The following TYW5 variants were observed in gnomAD, a reference collection of about 807,000 sequenced individuals.
TYW5 encodes tRNA-yW synthesizing protein 5.
TYW5 carries 36 observed loss-of-function variants against 44.4 expected under a neutral mutation model. That is an observed-to-expected ratio of 0.81 (90% CI 0.62 to 1.07). The LOEUF (loss-of-function observed/expected upper bound fraction) is 1.07, where lower values mean the gene tolerates loss of function less well. Among genes scored for constraint, TYW5 ranks in the 50% least tolerant of loss-of-function variants. TYW5 has a pLI of 0.00. For missense variants in TYW5, 354 were observed against 365.7 expected, an observed-to-expected ratio of 0.97 and a Z score of 0.26; for synonymous variants, 121 against 128.1, an observed-to-expected ratio of 0.94 and a Z score of 0.37.
At chr2:199,935,665 G>A (rs1272233100) in intron 7 of TYW5, among the ~76,000 whole-genome samples, 1 of 147,008 alleles carries the variant, frequency 6.8e-6, no homozygotes, top group African/African-American at 2.5e-5. Context: ...TTAACTTATA[G>A]GCCAAAACTA....
At chr2:199,939,439 G>A (rs978788899) in intron 4 of TYW5, among the ~76,000 whole-genome samples, 2 of 152,176 alleles carry the variant, frequency 1.3e-5, no homozygotes, top group African/African-American at 4.8e-5. Flanking sequence ...ATACCAGGCT[G>A]TGTAACAAGA....
intron 2 of TYW5, chr2:199,944,523 C>T (rs2077489570): frequency 6.6e-6 from 1 of 152,260 alleles, no homozygotes; most frequent in Admixed American, 6.5e-5. Flanking sequence ...TTACATCACA[C>T]TCTTGAGCTA....
rs1391593527 is a variant in TYW5, at chr2:199,931,775, C to A, written c.*1292G>T. On this transcript the variant is annotated 3_prime_UTR_variant, in exon 8 of 8. Coordinates refer to ENST00000354611, the MANE Select transcript of TYW5 (RefSeq NM_001039693.3). Reference sequence around the variant, plus strand: ...AATTAAAATGCACCAAATTGATGTACTAAGAGATTGCTTTAGATGAACACA... The same window carrying A: ...AATTAAAATGCACCAAATTGATGTAATAAGAGATTGCTTTAGATGAACACA... The A allele has an allele frequency of 6.6e-6, 1 of 152,064 alleles. No individual in the cohort carries two copies. The highest frequency in any genetic ancestry group is 6.5e-5 in the Admixed American group (1 of 15,276). The allele number at this position is 152,064 out of a possible 1,614,324, so 9.4% of individuals were successfully genotyped here.
At chr2:199,952,031 A>G (rs1224744150) in intron 1 of TYW5, among the ~76,000 whole-genome samples, 1 of 152,018 alleles carries the variant, frequency 6.6e-6, no homozygotes, top group African/African-American at 2.4e-5. Context: ...AAAAAAAAAA[A>G]TCATAAATAT....
rs1269754707 is a variant in TYW5, at chr2:199,939,999, A to T, written c.348+90T>A. 31 of 1,190,796 alleles carry T rather than the reference A, an allele frequency of 2.6e-5. No individual in the cohort carries two copies. The South Asian group carries it at 3.9e-4, about 15-fold the overall frequency. 73.8% of individuals were successfully genotyped at this position (1,190,796 alleles called of 1,614,324 possible). A position where few individuals can be genotyped will look rare whatever the true frequency, so the allele number is the denominator to read the frequency against. On this transcript the variant is annotated intron_variant, in intron 4 of 7. Coordinates refer to ENST00000354611, the MANE Select transcript of TYW5 (RefSeq NM_001039693.3). ...AAAAGGATAGAACAGGGAATATGTC[A>T]GGCAGTAAGTATAAAATTACAGTGT... is the stretch of plus-strand genomic sequence containing the variant.
At chr2:199,955,319 T>C (rs2077588014) in intron 1 of TYW5, 74 bp downstream of exon 1, 2 of 1,538,116 alleles carry the variant, frequency 1.3e-6, no homozygotes, top group African/African-American at 1.4e-5. Context: ...TAAAAACCAG[T>C]TCCCAGCTGT....
intron 2 of TYW5, chr2:199,944,868 T>C (rs1044531849): frequency 1.3e-5 from 2 of 152,236 alleles, no homozygotes; most frequent in Admixed American, 1.3e-4. Flanking sequence ...CCCAGAAATA[T>C]ACTGGGTAAA....
Position 199,948,252 on chromosome 2 carries a change from C to A in TYW5, c.233+66G>T, listed in dbSNP as rs754274333. The stretch of plus-strand genomic sequence containing the variant: ...GCCATATGGTCTTTGTATAATAATG[C>A]AAAAATATTTTAAAAGTTTTTAAAA... On this transcript the variant is annotated intron_variant, in intron 2 of 7. Coordinates refer to ENST00000354611, the MANE Select transcript of TYW5 (RefSeq NM_001039693.3). The A allele has an allele frequency of 1.4e-5, 22 of 1,558,472 alleles. No individual in the cohort carries two copies. In the South Asian group the frequency reaches 2.4e-4, roughly 17 times the overall value.
At chr2:199,941,240 T>C (rs888780073) in intron 3 of TYW5, among the ~76,000 whole-genome samples, 1 of 152,130 alleles carries the variant, frequency 6.6e-6, no homozygotes, top group Non-Finnish European at 1.5e-5. Context: ...GGAGACTCGC[T>C]ATGTTGTCCA....
intron 5 of TYW5, among the ~76,000 whole-genome samples, chr2:199,936,858 G>T (rs2077424921): frequency 6.6e-6 from 1 of 152,122 alleles, no homozygotes; most frequent in African/African-American, 2.4e-5. Flanking sequence ...CAGAGTAAAA[G>T]CACTTAGAAA....
In TYW5 at chr2:199,933,005, T is replaced by C; in HGVS notation, c.*62A>G. 4.5e-6 allele frequency: 7 copies of C among 1,544,432 alleles called. No homozygotes were observed. The highest frequency in any genetic ancestry group is 6.1e-6 in the Non-Finnish European group (7 of 1,146,310). ...ATGTATCTTTCCTATTTTAACAAAATCTTTAATTTATATCGTTATACCTTA... is the reference window on the plus strand; with the variant it reads ...ATGTATCTTTCCTATTTTAACAAAACCTTTAATTTATATCGTTATACCTTA... On this transcript the variant is annotated 3_prime_UTR_variant, in exon 8 of 8. Coordinates refer to ENST00000354611, the MANE Select transcript of TYW5 (RefSeq NM_001039693.3).
intron 2 of TYW5, chr2:199,945,595 T>C (rs1023000060): frequency 6.6e-6 from 1 of 152,214 alleles, no homozygotes; most frequent in Non-Finnish European, 1.5e-5. Context: ...CCTTCTTGCT[T>C]TCATTCTTCA....
At position 199,931,296 on chromosome 2, in the gene TYW5, T is replaced by G. The variant is rs1215103178; in HGVS notation, c.*1771A>C. 6.6e-6 allele frequency: 1 copy of G among 152,048 alleles called. No individual in the cohort carries two copies. The highest frequency in any genetic ancestry group is 2.4e-5 in the African/African-American group (1 of 41,454). The allele number at this position is 152,048 out of a possible 1,614,324, so 9.4% of individuals were successfully genotyped here. ...GTTATTTTGTCTAAGGTCATCCAGT[T>G]TGCTTCTCCATTAAACAATCAATTA... On this transcript the variant is annotated 3_prime_UTR_variant, in exon 8 of 8. Coordinates refer to ENST00000354611, the MANE Select transcript of TYW5 (RefSeq NM_001039693.3).
intron 2 of TYW5, chr2:199,945,504 GACTA>G (rs2077497335): frequency 6.6e-6 from 1 of 152,194 alleles, no homozygotes; most frequent in African/African-American, 2.4e-5. Flanking sequence ...GATAGTGTCT[GACTA>G]ACTAATATCA....
rs767513886 is a variant in TYW5, at chr2:199,933,072, C to CA, written c.942dup (p.Glu315Ter). The stretch of plus-strand genomic sequence containing the variant: ...CATTGCATTCACTTCATTATTTACT[C>CA]AGAGTTCTTGCTGTAGGCTTTGTCT... On this transcript the variant is annotated frameshift_variant, in exon 8 of 8. Transcript: ENST00000354611. LOFTEE classifies it high-confidence loss of function. 1 of 1,613,516 alleles carries CA rather than the reference C, an allele frequency of 6.2e-7. No homozygotes were observed. The highest frequency in any genetic ancestry group is 1.7e-5 in the Admixed American group (1 of 59,942).
At position 199,935,949 on chromosome 2, in the gene TYW5, C is replaced by G; in HGVS notation, c.673G>C (p.Asp225His). 6.2e-7 allele frequency: 1 copy of G among 1,610,352 alleles called. No homozygotes were observed. Among genetic ancestry groups the G allele is most frequent in the Non-Finnish European group, 8.5e-7 (1 of 1,177,352 alleles). Residue 225 changes from aspartate (D) to histidine (H), a missense_variant, in exon 7 of 8, where the codon GAT becomes CAT. Transcript: ENST00000354611. ...ATCTTACCAGGAATGAATAATACATCACCAGCTTCAAGGGAACATTCATAT... is the reference window on the plus strand; with the variant it reads ...ATCTTACCAGGAATGAATAATACATGACCAGCTTCAAGGGAACATTCATAT... ...RRYECSLEAGDVLFIPALWFH... is the reference protein window; with the variant it reads ...RRYECSLEAGHVLFIPALWFH...
intron 3 of TYW5, among the ~76,000 whole-genome samples, chr2:199,940,420 G>A (rs188397066): frequency 2.0e-5 from 3 of 152,140 alleles, no homozygotes; most frequent in Admixed American, 2.0e-4. Context: ...TGGGAGGCCA[G>A]GGCAGGAAGA....
rs1285494760 is a variant in TYW5 at position 199,930,981 on chromosome 2, TAACCC to T, written c.*2081_*2085del. Reference sequence around the variant, plus strand: ...TAAAAACAAACATCTCATTTGGTCTTAACCCAGTAGGAAGAAAAGATTAAAATATT... The same window carrying T: ...TAAAAACAAACATCTCATTTGGTCTTAGTAGGAAGAAAAGATTAAAATATT... On this transcript the variant is annotated 3_prime_UTR_variant, in exon 8 of 8. Transcript: ENST00000354611. 6.6e-6 allele frequency: 1 copy of T among 152,224 alleles called. No homozygotes were observed. The highest frequency in any genetic ancestry group is 1.5e-5 in the Non-Finnish European group (1 of 68,036). 9.4% of individuals were successfully genotyped at this position (152,224 alleles called of 1,614,324 possible).
chr2:199,936,905 C>T (rs1278985896), intron 5 of TYW5, among the ~76,000 whole-genome samples: 7 of 152,150 alleles, frequency 4.6e-5, no homozygotes, highest in Admixed American at 3.3e-4. Context: ...ACTGTTGCAA[C>T]TGCTGCTACA....
Sources: allele counts gnomAD v4.1 joint callset (sites outside exome capture counted in the v4.1 genomes callset), GRCh38; gene constraint gnomAD v4.1.1; transcripts MANE v1.5; gene names NCBI Gene and HGNC (gene_info 2026-07-23, HGNC 2026-07-21).